The following TRUB1 variants were observed in gnomAD, a reference collection of about 807,000 sequenced individuals.
The protein encoded by TRUB1 is pseudouridylate synthase TRUB1.
In TRUB1, 23 loss-of-function variants were observed where a neutral mutation model predicts 33.9. The observed-to-expected ratio is 0.68, with a 90% CI of 0.49 to 0.96. The LOEUF is 0.96. Among genes scored for constraint, TRUB1 ranks in the 40% least tolerant of loss-of-function variants. TRUB1 has a pLI of 0.00. For missense variants in TRUB1, 378 were observed against 422.2 expected, an observed-to-expected ratio of 0.90 and a Z score of 0.92; for synonymous variants, 163 against 165.4, an observed-to-expected ratio of 0.99 and a Z score of 0.11.
In TRUB1 at chr10:114,974,810, G is replaced by A. The variant is rs182824064; in HGVS notation, c.794-313G>A. 2.6e-5 allele frequency among the ~76,000 whole-genome samples: 4 copies of A among 152,202 alleles called. No homozygotes were observed. In the East Asian group the frequency reaches 5.8e-4, roughly 22 times the overall value. ...GCCATTTACTGGCAGTTGTCGCACT[G>A]GACAGGTCATATGATCTCATCTGTA... On this transcript the variant is annotated intron_variant, in intron 7 of 7. Coordinates refer to ENST00000298746, the MANE Select transcript of TRUB1 (RefSeq NM_139169.5).
chr10:114,960,287 G>A (rs1405394092), intron 4 of TRUB1, among the ~76,000 whole-genome samples: 1 of 152,178 alleles, frequency 6.6e-6, no homozygotes, highest in East Asian at 1.9e-4. Flanking sequence ...TTCTCTGGAA[G>A]TAAACCAGAA....
chr10:114,973,212 AAC>A lies in TRUB1; in HGVS notation c.736+943_736+944del, dbSNP rs528960340. 8.5e-5 allele frequency among the ~76,000 whole-genome samples: 13 copies of A among 152,322 alleles called. No homozygotes were observed. The East Asian group carries it at 1.7e-3, about 20-fold the overall frequency. Reference sequence around the variant, plus strand: ...AAAATATTTGACAGATAATGAAAAAAACACACTTAGGAAGGTTGTGCTCCATT... The same window carrying A: ...AAAATATTTGACAGATAATGAAAAAAACACTTAGGAAGGTTGTGCTCCATT... On this transcript the variant is annotated intron_variant, in intron 6 of 7. Coordinates refer to ENST00000298746, the MANE Select transcript of TRUB1 (RefSeq NM_139169.5).
chr10:114,944,081 G>A (rs2084201286), intron 2 of TRUB1, among the ~76,000 whole-genome samples: 1 of 148,286 alleles, frequency 6.7e-6, no homozygotes, highest in African/African-American at 2.5e-5. Context: ...GTATACACAG[G>A]CTAGGGTATA....
At chr10:114,967,939 C>T (rs1321697553) in intron 4 of TRUB1, among the ~76,000 whole-genome samples, 1 of 152,090 alleles carries the variant, frequency 6.6e-6, no homozygotes, top group African/African-American at 2.4e-5. Context: ...CTTTTAAATG[C>T]CCTTCAGCCT....
chr10:114,974,595 A>G (rs1320061063), intron 7 of TRUB1, among the ~76,000 whole-genome samples: 1 of 152,090 alleles, frequency 6.6e-6, no homozygotes, highest in Non-Finnish European at 1.5e-5. Flanking sequence ...GAAAGAAGAG[A>G]AAGAGAGAAC....
intron 2 of TRUB1, among the ~76,000 whole-genome samples, chr10:114,944,556 G>A (rs1020063382): frequency 6.6e-6 from 1 of 152,140 alleles, no homozygotes; most frequent in African/African-American, 2.4e-5. Context: ...CTACTCGGGA[G>A]GCTGAGGCAG....
chr10:114,975,449 C>A lies in TRUB1; in HGVS notation c.*70C>A. 1 of 1,393,696 alleles carries A rather than the reference C, an allele frequency of 7.2e-7. No individual in the cohort carries two copies. Among genetic ancestry groups the A allele is most frequent in the South Asian group, 1.7e-5 (1 of 57,840 alleles). 86.3% of individuals were successfully genotyped at this position (1,393,696 alleles called of 1,614,324 possible). ...CTGTGTGCAGATGCAGAATGACAAG[C>A]TGCATTCAAAAGACAAACAATATGT... On this transcript the variant is annotated 3_prime_UTR_variant, in exon 8 of 8. Coordinates refer to ENST00000298746, the MANE Select transcript of TRUB1 (RefSeq NM_139169.5).
intron 4 of TRUB1, among the ~76,000 whole-genome samples, chr10:114,961,072 T>C (rs2084283276): frequency 1.3e-5 from 2 of 152,184 alleles, no homozygotes; most frequent in Non-Finnish European, 1.5e-5. Context: ...TCTGCCCTTA[T>C]CTAGCTGCGC....
intron 2 of TRUB1, among the ~76,000 whole-genome samples, chr10:114,944,802 T>C (rs995172078): frequency 4.3e-4 from 65 of 152,098 alleles, no homozygotes; most frequent in African/African-American, 1.5e-3. Context: ...TTAGACAATG[T>C]GGCGAAACCC....
chr10:114,959,172 A>T (rs2084274565), intron 3 of TRUB1, among the ~76,000 whole-genome samples: 1 of 152,194 alleles, frequency 6.6e-6, no homozygotes, highest in Non-Finnish European at 1.5e-5. Flanking sequence ...TTAATAGTTA[A>T]GTCACTAATT....
At chr10:114,963,156 G>A (rs573605283) in intron 4 of TRUB1, among the ~76,000 whole-genome samples, 10 of 152,100 alleles carry the variant, frequency 6.6e-5, no homozygotes, top group Non-Finnish European at 1.3e-4. Flanking sequence ...AGTCAACAAA[G>A]GTAGAAAGAA....
chr10:114,959,935 G>A, intron 4 of TRUB1, 128 bp downstream of exon 4: 1 of 620,770 alleles, frequency 1.6e-6, no homozygotes, highest in South Asian at 2.3e-5. Flanking sequence ...TTTGGGCTAA[G>A]AAGATTGGAA....
At chr10:114,961,443 T>C (rs749556658) in intron 4 of TRUB1, among the ~76,000 whole-genome samples, 8 of 152,194 alleles carry the variant, frequency 5.3e-5, no homozygotes, top group Non-Finnish European at 8.8e-5. Context: ...TTGAGGATGC[T>C]GGAAGGGGCC....
rs182770511 is a variant in TRUB1 at position 114,968,349 on chromosome 10, C to T, written c.524-2019C>T. Among the ~76,000 whole-genome samples, 400 of 152,264 alleles carry T rather than the reference C, an allele frequency of 2.6e-3. 4 individuals carry two copies. The highest frequency in any genetic ancestry group is 2.3e-3 in the East Asian group (12 of 5,184). ...GCAGGAGCGTCAGTAGAGAGACCAGCGTAGCAGAAGTAGAAAGTTGTTTGG... is the reference window on the plus strand; with the variant it reads ...GCAGGAGCGTCAGTAGAGAGACCAGTGTAGCAGAAGTAGAAAGTTGTTTGG... On this transcript the variant is annotated intron_variant, in intron 4 of 7. Transcript: ENST00000298746.
At chr10:114,955,668 A>T (rs2084258755) in intron 3 of TRUB1, among the ~76,000 whole-genome samples, 1 of 152,218 alleles carries the variant, frequency 6.6e-6, no homozygotes, top group South Asian at 2.1e-4. Context: ...TTTTAGGTTA[A>T]CCAGTTATGA....
Position 114,975,373 on chromosome 10 carries a change from G to A in TRUB1, c.1044G>A (p.Thr348=), listed in dbSNP as rs76828769. The change falls in exon 8 of 8, where the codon ACG becomes ACA. Residue 348 remains threonine, a synonymous_variant. Coordinates refer to ENST00000298746, the MANE Select transcript of TRUB1 (RefSeq NM_139169.5). ...EPKREDDVIK[T]C ...AGAGAGAAGATGATGTAATTAAGAC[G>A]TGTTGAGATTGGCCTGGGAATATCA... 2.4e-3 allele frequency: 3,799 copies of A among 1,567,914 alleles called. 75 individuals carry two copies. The African/African-American group carries it at 0.042, about 17-fold the overall frequency.
At chr10:114,959,673 A>C in intron 3 of TRUB1, 53 bp from the exon 4 acceptor site, 1 of 1,139,688 alleles carries the variant, frequency 8.8e-7, no homozygotes, top group Non-Finnish European at 1.3e-6. Context: ...GACATGCATA[A>C]CAGTTTTTGT....
In TRUB1 at chr10:114,938,403, C is replaced by T. The variant is rs2084169680; in HGVS notation, c.150C>T (p.Thr50=). ...AAAVVAAAAR[T]GSEARVSKAA... is the part of the protein sequence containing the mutation. ...CGGTGGTTGCGGCCGCGGCCAGGACCGGATCCGAAGCCAGGGTCTCCAAGG... is the reference window on the plus strand; with the variant it reads ...CGGTGGTTGCGGCCGCGGCCAGGACTGGATCCGAAGCCAGGGTCTCCAAGG... The change falls in exon 1 of 8, where the codon ACC becomes ACT. Residue 50 remains threonine, a synonymous_variant. Transcript: ENST00000298746. 12 of 1,603,910 alleles carry T rather than the reference C, an allele frequency of 7.5e-6. No individual in the cohort carries two copies. Among genetic ancestry groups the T allele is most frequent in the Non-Finnish European group, 9.4e-6 (11 of 1,175,046 alleles).
intron 2 of TRUB1, among the ~76,000 whole-genome samples, chr10:114,949,138 A>T (rs577807318): frequency 2.2e-4 from 33 of 152,158 alleles, no homozygotes; most frequent in African/African-American, 8.0e-4. Context: ...GAGCACTGTG[A>T]TTTTTCTGTA....
Sources: gnomAD v4.1 joint callset for allele counts (sites outside exome capture counted in the v4.1 genomes callset) on GRCh38, gnomAD v4.1.1 for gene constraint, MANE v1.5 for transcripts, NCBI Gene and HGNC (gene_info 2026-07-23, HGNC 2026-07-21) for gene names.